Variants in ZNF644 observed in about 807,000 individuals in gnomAD.
The protein encoded by ZNF644 is zinc finger protein 644.
Under a neutral mutation model 108.0 loss-of-function variants are expected in ZNF644, and 20 were observed. The observed-to-expected ratio is 0.19, with a 90% CI of 0.13 to 0.27. The LOEUF is 0.27. ZNF644 is among the 10% of genes least tolerant of loss of function. The pLI, the probability that ZNF644 is intolerant of heterozygous loss-of-function variation, is 1.00. For synonymous variants in ZNF644, 542 were observed against 539.1 expected (o/e 1.01, Z -0.08); for missense variants, 1,338 against 1,548.9 (o/e 0.86, Z 2.29).
At chr1:91,000,991 G>T (rs1284310592) in intron 1 of ZNF644, among the ~76,000 whole-genome samples, 1 of 152,158 alleles carries the variant, frequency 6.6e-6, no homozygotes, top group Non-Finnish European at 1.5e-5. Context: ...CCAGGAAGAA[G>T]GTGAATCCCT....
intron 1 of ZNF644, among the ~76,000 whole-genome samples, chr1:91,008,234 A>G (rs576894210): frequency 1.7e-4 from 26 of 152,328 alleles, no homozygotes; most frequent in Admixed American, 5.9e-4. Context: ...GTCAAAGAAG[A>G]AAACTTGGAT....
At chr1:90,956,020 T>G (rs2101084599) in intron 2 of ZNF644, among the ~76,000 whole-genome samples, 1 of 152,244 alleles carries the variant, frequency 6.6e-6, no homozygotes, top group African/African-American at 2.4e-5. Flanking sequence ...CAGTTATAAA[T>G]TTGCCTAATT....
At chr1:90,961,291 T>C (rs1398709205) in intron 2 of ZNF644, among the ~76,000 whole-genome samples, 3 of 152,154 alleles carry the variant, frequency 2.0e-5, no homozygotes, top group Non-Finnish European at 4.4e-5. Context: ...ACAATTAAAT[T>C]AACAAATTAT....
intron 2 of ZNF644, among the ~76,000 whole-genome samples, chr1:90,964,276 T>C (rs932976901): frequency 3.9e-5 from 6 of 152,096 alleles, no homozygotes; most frequent in Non-Finnish European, 8.8e-5. Context: ...AATACATATC[T>C]TGGAAAACAT....
chr1:90,947,800 T>C (rs1326222577), intron 2 of ZNF644, among the ~76,000 whole-genome samples: 1 of 152,158 alleles, frequency 6.6e-6, no homozygotes, highest in Non-Finnish European at 1.5e-5. Flanking sequence ...ATCTAAACTA[T>C]TGAACATTGT....
chr1:90,963,898 C>G (rs1186181804), intron 2 of ZNF644, among the ~76,000 whole-genome samples: 1 of 152,042 alleles, frequency 6.6e-6, no homozygotes, highest in Admixed American at 6.6e-5. Context: ...CCCTACACTT[C>G]ATGCATTTTC....
At chr1:91,016,110 A>ATG (rs139752384) in intron 1 of ZNF644, among the ~76,000 whole-genome samples, 2 of 152,038 alleles carry the variant, frequency 1.3e-5, no homozygotes, top group East Asian at 1.9e-4. Flanking sequence ...TTGTGATTCT[A>ATG]TGTGTGTGTG....
intron 1 of ZNF644, among the ~76,000 whole-genome samples, chr1:90,994,114 A>G (rs1207704456): frequency 6.6e-6 from 1 of 152,176 alleles, no homozygotes; most frequent in Non-Finnish European, 1.5e-5. Flanking sequence ...ATTTGCAAAA[A>G]CTATTGGGAA....
chr1:91,010,749 A>G (rs867505418), intron 1 of ZNF644, among the ~76,000 whole-genome samples: 10 of 137,014 alleles, frequency 7.3e-5, no homozygotes, highest in Non-Finnish European at 8.1e-5. Flanking sequence ...AGTAGAAGCC[A>G]TATCTGTGCT....
chr1:90,950,997 A>G (rs1216359867), intron 2 of ZNF644, among the ~76,000 whole-genome samples: 3 of 152,178 alleles, frequency 2.0e-5, no homozygotes, highest in Admixed American at 6.5e-5. Context: ...CCTCATCTAT[A>G]TCAGTTGTTC....
chr1:90,997,915 G>T (rs1658319290), intron 1 of ZNF644, among the ~76,000 whole-genome samples: 1 of 152,188 alleles, frequency 6.6e-6, no homozygotes, highest in African/African-American at 2.4e-5. Flanking sequence ...CGCGTGGCTT[G>T]GAGGGTCCCA....
intron 2 of ZNF644, among the ~76,000 whole-genome samples, chr1:90,958,423 C>T (rs993775453): frequency 2.6e-5 from 4 of 152,038 alleles, no homozygotes; most frequent in South Asian, 2.1e-4. Context: ...CCAGATTCAA[C>T]TCTATCCCTA....
intron 2 of ZNF644, among the ~76,000 whole-genome samples, chr1:90,974,164 T>G (rs1335936704): frequency 2.0e-5 from 3 of 152,032 alleles, no homozygotes; most frequent in African/African-American, 7.2e-5. Context: ...CCTGCATGAC[T>G]GTCCATCTCT....
intron 5 of ZNF644, 139 bp downstream of exon 5, chr1:90,917,913 C>T (rs1051703008): frequency 1.2e-5 from 9 of 736,178 alleles, no homozygotes; most frequent in African/African-American, 1.1e-4. Context: ...AGATTTTAAG[C>T]CTATCTCCAA....
chr1:91,012,528 T>C (rs567426367), intron 1 of ZNF644, among the ~76,000 whole-genome samples: 2 of 152,110 alleles, frequency 1.3e-5, no homozygotes, highest in Non-Finnish European at 2.9e-5. Flanking sequence ...AAAACTAATT[T>C]ATGGTGATAG....
intron 2 of ZNF644, among the ~76,000 whole-genome samples, chr1:90,951,275 C>A (rs1198788769): frequency 6.6e-6 from 1 of 152,166 alleles, no homozygotes; most frequent in African/African-American, 2.4e-5. Context: ...TCTAAAATGA[C>A]TCCCTGTTTT....
intron 1 of ZNF644, among the ~76,000 whole-genome samples, chr1:91,000,441 G>A (rs1658647789): frequency 6.6e-6 from 1 of 152,084 alleles, no homozygotes; most frequent in African/African-American, 2.4e-5. Context: ...AATAACTATT[G>A]GGTACATAAC....
At chr1:90,920,843 T>C (rs910737167) in intron 4 of ZNF644, among the ~76,000 whole-genome samples, 1 of 152,090 alleles carries the variant, frequency 6.6e-6, no homozygotes, top group Non-Finnish European at 1.5e-5. Context: ...ACTTTGGAAA[T>C]TGAAATCTAA....
In ZNF644 at chr1:90,967,492, C is replaced by T. The variant is rs149069280; in HGVS notation, c.44+14818G>A. 6.4e-4 allele frequency among the ~76,000 whole-genome samples: 97 copies of T among 152,184 alleles called. 2 individuals carry two copies. Among genetic ancestry groups the T allele is most frequent in the Middle Eastern group, 6.8e-3 (2 of 294 alleles). ...AACATAAAAACCTTCCCTGTGATTCCAAGAGAATGGGAACCATGTCTTCTA... is the reference window on the plus strand; with the variant it reads ...AACATAAAAACCTTCCCTGTGATTCTAAGAGAATGGGAACCATGTCTTCTA... On this transcript the variant is annotated intron_variant, in intron 2 of 5. Coordinates refer to ENST00000337393, the MANE Select transcript of ZNF644 (RefSeq NM_201269.3).
Sources: gnomAD v4.1 joint callset for allele counts (sites outside exome capture counted in the v4.1 genomes callset) on GRCh38, gnomAD v4.1.1 for gene constraint, MANE v1.5 for transcripts, NCBI Gene and HGNC (gene_info 2026-07-23, HGNC 2026-07-21) for gene names.